ADGRV1: variants seen among roughly 807,000 people sequenced by gnomAD.
ADGRV1 encodes the protein adhesion G protein-coupled receptor V1, also known as G-protein coupled receptor 98.
Under a neutral mutation model 596.2 loss-of-function variants are expected in ADGRV1, and 359 were observed. That is an observed-to-expected ratio of 0.60 (90% confidence interval 0.55 to 0.66). The LOEUF (loss-of-function observed/expected upper bound fraction) is 0.66, where lower values mean the gene tolerates loss of function less well. Ranked by LOEUF, ADGRV1 falls within the 30% of genes least tolerant of loss-of-function variation. The pLI, the probability that ADGRV1 is intolerant of heterozygous loss-of-function variation, is 0.00. For missense variants in ADGRV1, 7,274 were observed against 7,575.6 expected (o/e 0.96, Z 1.48); for synonymous variants, 2,681 against 2,679.2 (o/e 1.00, Z -0.02).
At chr5:90,623,773 C>T (rs550877299) in intron 5 of ADGRV1, among the ~76,000 whole-genome samples, 86 of 152,192 alleles carry the variant, frequency 5.7e-4, no homozygotes, top group Non-Finnish European at 9.4e-4. Context: ...TGCACTCCAC[C>T]ATGGGAATCC....
chr5:90,680,763 T>C (rs1182582884), intron 26 of ADGRV1, among the ~76,000 whole-genome samples: 1 of 152,206 alleles, frequency 6.6e-6, no homozygotes, highest in African/African-American at 2.4e-5. Context: ...GAACATACTT[T>C]TTAGGAAAAA....
intron 83 of ADGRV1, among the ~76,000 whole-genome samples, chr5:90,956,222 AT>A (rs34259998): frequency 6.6e-6 from 1 of 152,146 alleles, no homozygotes; most frequent in Non-Finnish European, 1.5e-5. Context: ...TTACTGTACA[AT>A]TTTGAAGTGA....
At chr5:90,652,726 T>C (rs1248992478) in intron 19 of ADGRV1, among the ~76,000 whole-genome samples, 163 bp downstream of exon 19, 1 of 152,212 alleles carries the variant, frequency 6.6e-6, no homozygotes, top group Non-Finnish European at 1.5e-5. Context: ...TTGTTTCAAG[T>C]GTTATTCTTA....
chr5:90,591,604 G>A (rs1232941921), intron 1 of ADGRV1, among the ~76,000 whole-genome samples: 2 of 152,086 alleles, frequency 1.3e-5, no homozygotes, highest in Non-Finnish European at 2.9e-5. Context: ...AATTGCTAAT[G>A]GCTCAATGCT....
chr5:91,035,761 T>C (rs1784806674), intron 85 of ADGRV1, among the ~76,000 whole-genome samples: 1 of 149,058 alleles, frequency 6.7e-6, no homozygotes, highest in African/African-American at 2.5e-5. Context: ...TGTTCTTTGG[T>C]TTCCTCATCT....
At chr5:90,971,936 T>C (rs186752992) in intron 84 of ADGRV1, among the ~76,000 whole-genome samples, 2 of 152,302 alleles carry the variant, frequency 1.3e-5, no homozygotes, top group Admixed American at 6.5e-5. Context: ...GACCCATCAG[T>C]GTGCTGTATT....
intron 83 of ADGRV1, among the ~76,000 whole-genome samples, chr5:90,878,991 C>T (rs1002670743): frequency 6.6e-6 from 1 of 152,198 alleles, no homozygotes; most frequent in Non-Finnish European, 1.5e-5. Context: ...TGGGATAAGG[C>T]TACTTCAGCT....
chr5:90,696,179 G>A (rs955651399), intron 33 of ADGRV1, among the ~76,000 whole-genome samples: 5 of 151,972 alleles, frequency 3.3e-5, no homozygotes, highest in Admixed American at 3.3e-4. Context: ...CCAGAAAGTG[G>A]GGAGAAAATA....
chr5:90,988,589 T>A (rs555238588), intron 85 of ADGRV1, among the ~76,000 whole-genome samples: 7 of 152,292 alleles, frequency 4.6e-5, no homozygotes, highest in African/African-American at 1.7e-4. Flanking sequence ...CATACCCATA[T>A]TATATATTCA....
At chr5:90,639,040 CA>C (rs1354363600) in intron 11 of ADGRV1, among the ~76,000 whole-genome samples, 1 of 148,884 alleles carries the variant, frequency 6.7e-6, no homozygotes, top group African/African-American at 2.5e-5. Context: ...ACCAAGCAAA[CA>C]AAAAAACCAA....
intron 11 of ADGRV1, among the ~76,000 whole-genome samples, chr5:90,641,394 A>C (rs1178335675): frequency 6.6e-6 from 1 of 152,224 alleles, no homozygotes; most frequent in East Asian, 1.9e-4. Flanking sequence ...TATTTTAAGA[A>C]AGTTTAAAAA....
intron 1 of ADGRV1, among the ~76,000 whole-genome samples, chr5:90,568,887 T>A (rs1201208493): frequency 6.6e-6 from 1 of 152,206 alleles, no homozygotes; most frequent in African/African-American, 2.4e-5. Flanking sequence ...TGTAGCAACA[T>A]TTTCTGTCCT....
rs540125099 is a variant in ADGRV1 at position 90,694,052 on chromosome 5, G to A, written c.7296G>A (p.Val2432=). 10 of 1,613,754 alleles carry A rather than the reference G, an allele frequency of 6.2e-6. No individual in the cohort carries two copies. Among genetic ancestry groups the A allele is most frequent in the African/African-American group, 1.3e-5 (1 of 75,026 alleles). ...GAACTTGGATGAATGTCTCTGCCGT[G>A]GGGGAGCCCCTGTATACCTGTGCCA... ...LWRTWMNVSA[V]GEPLYTCATL... The change falls in exon 33 of 90, where the codon GTG becomes GTA. Residue 2432 remains valine (V), a synonymous_variant. Coordinates refer to ENST00000405460, the MANE Select transcript of ADGRV1 (RefSeq NM_032119.4).
At chr5:90,878,679 A>C (rs1769448681) in intron 83 of ADGRV1, among the ~76,000 whole-genome samples, 1 of 152,208 alleles carries the variant, frequency 6.6e-6, no homozygotes, top group African/African-American at 2.4e-5. Context: ...CCAGCTGACT[A>C]ACAAACTCCA....
chr5:90,673,008 TG>T (rs1357257981), intron 22 of ADGRV1: 1 of 318,170 alleles, frequency 3.1e-6, no homozygotes, highest in Non-Finnish European at 5.7e-6. Context: ...AGATTGGGAC[TG>T]GGGCCATGTC....
chr5:90,669,546 G>A (rs1295937772), intron 21 of ADGRV1, among the ~76,000 whole-genome samples: 1 of 152,134 alleles, frequency 6.6e-6, no homozygotes. Context: ...AATAGATATG[G>A]CATATTATCT....
Position 90,698,997 on chromosome 5 carries a change from G to A in ADGRV1, c.8155+1851G>A, listed in dbSNP as rs1444080135. Among the ~76,000 whole-genome samples, 7 of 152,078 alleles carry A rather than the reference G, an allele frequency of 4.6e-5. No homozygotes were observed. The East Asian group carries it at 1.2e-3, about 25-fold the overall frequency. ...TAGATGAATTTTAAAGGAGTATTGGGGATAGGAAGCAAATATCTAAGGATG... is the reference window on the plus strand; with the variant it reads ...TAGATGAATTTTAAAGGAGTATTGGAGATAGGAAGCAAATATCTAAGGATG... On this transcript the variant is annotated intron_variant, in intron 34 of 89. Transcript: ENST00000405460.
chr5:90,686,298 T>A (rs1398767934), intron 29 of ADGRV1, among the ~76,000 whole-genome samples: 1 of 152,108 alleles, frequency 6.6e-6, no homozygotes, highest in Non-Finnish European at 1.5e-5. Context: ...TGTGCCATGC[T>A]GGTGTGCTGC....
rs34654014 is a variant in ADGRV1, at chr5:90,961,487, C to CAA, written c.17857-3909_17857-3908dup. Among the ~76,000 whole-genome samples, 459 of 46,318 alleles carry CAA rather than the reference C, an allele frequency of 9.9e-3. 20 individuals carry two copies. Among genetic ancestry groups the CAA allele is most frequent in the East Asian group, 0.024 (42 of 1,764 alleles). 30.4% of individuals were successfully genotyped at this position (46,318 alleles called of 152,430 possible). The stretch of plus-strand genomic sequence containing the variant: ...TGGGTGACAGAGGGAGACTCCGTCT[C>CAA]AAAAAAAAAAAAAAAAAAAAGGGGG... On this transcript the variant is annotated intron_variant, in intron 83 of 89. Coordinates refer to ENST00000405460, the MANE Select transcript of ADGRV1 (RefSeq NM_032119.4).
Sources: allele counts gnomAD v4.1 joint callset (sites outside exome capture counted in the v4.1 genomes callset), GRCh38; gene constraint gnomAD v4.1.1; transcripts MANE v1.5; gene names NCBI Gene and HGNC (gene_info 2026-07-23, HGNC 2026-07-21).